The following DPYSL3 variants were observed in gnomAD, a reference collection of about 807,000 sequenced individuals.
The protein encoded by DPYSL3 is dihydropyrimidinase like 3, also known as dihydropyrimidinase-related protein 3.
DPYSL3 carries 16 observed loss-of-function variants against 66.1 expected under a neutral mutation model. That is an observed-to-expected ratio of 0.24 (90% confidence interval 0.16 to 0.37). The LOEUF is 0.37. Among genes scored for constraint, DPYSL3 ranks in the 10% least tolerant of loss-of-function variants. DPYSL3 has a pLI of 1.00. For missense variants in DPYSL3, 738 were observed against 916.2 expected (o/e 0.81, Z 2.51); for synonymous variants, 338 against 345.1 (o/e 0.98, Z 0.23).
chr5:147,412,553 A>G, intron 6 of DPYSL3, 55 bp downstream of exon 6: 1 of 1,534,524 alleles, frequency 6.5e-7, no homozygotes, highest in Non-Finnish European at 8.9e-7. Flanking sequence ...GAAGAAATGA[A>G]GAAGAAAATG....
At chr5:147,463,636 C>T (rs781464025) in intron 1 of DPYSL3, among the ~76,000 whole-genome samples, 10 of 152,108 alleles carry the variant, frequency 6.6e-5, no homozygotes, top group Non-Finnish European at 1.3e-4. Flanking sequence ...GCTCTGCCAT[C>T]AGCAGCCCCA....
intron 1 of DPYSL3, among the ~76,000 whole-genome samples, chr5:147,448,237 C>G (rs1177207841): frequency 1.3e-5 from 2 of 152,014 alleles, no homozygotes; most frequent in Non-Finnish European, 2.9e-5. Flanking sequence ...AGAAGGTGAT[C>G]AGGACTAAAA....
rs953240184 is a variant in DPYSL3, at chr5:147,393,396, G to A, written c.*639C>T. ...GTTGGGTCTTGGCATTTTAATAAAC[G>A]TTCAAAGAAACAAAATTTACTTGTA... On this transcript the variant is annotated 3_prime_UTR_variant, in exon 14 of 14. Coordinates refer to ENST00000343218, the MANE Select transcript of DPYSL3 (RefSeq NM_001197294.2). The A allele has an allele frequency of 5.9e-5, 9 of 152,190 alleles. No individual in the cohort carries two copies. Among genetic ancestry groups the A allele is most frequent in the African/African-American group, 1.7e-4 (7 of 41,418 alleles). 9.4% of individuals were successfully genotyped at this position (152,190 alleles called of 1,614,324 possible).
At chr5:147,459,978 T>C (rs1425159994) in intron 1 of DPYSL3, among the ~76,000 whole-genome samples, 1 of 151,880 alleles carries the variant, frequency 6.6e-6, no homozygotes, top group Non-Finnish European at 1.5e-5. Flanking sequence ...GGTGTGGTGG[T>C]GGGCGCCTGT....
chr5:147,396,863 GTGTA>G (rs1322157336), intron 12 of DPYSL3, among the ~76,000 whole-genome samples: 1 of 111,932 alleles, frequency 8.9e-6, no homozygotes, highest in Non-Finnish European at 1.8e-5. Context: ...CTGTATATGT[GTGTA>G]TATATATATA....
rs138115301 is a variant in DPYSL3, at chr5:147,408,588, C to T, written c.1032+140G>A. The T allele has an allele frequency of 1.0e-4, 82 of 796,396 alleles. No homozygotes were observed. In the African/African-American group the frequency reaches 1.1e-3, roughly 10 times the overall value. The allele number at this position is 796,396 out of a possible 1,614,324, so 49.3% of individuals were successfully genotyped here. On this transcript the variant is annotated intron_variant, in intron 7 of 13. Coordinates refer to ENST00000343218, the MANE Select transcript of DPYSL3 (RefSeq NM_001197294.2). Reference sequence around the variant, plus strand: ...CTTACATTCCTTTCTAATTTTCTCACGGGCTCCTGAGTTAGAGTCAATCAG... The same window carrying T: ...CTTACATTCCTTTCTAATTTTCTCATGGGCTCCTGAGTTAGAGTCAATCAG...
chr5:147,451,783 G>T (rs137996404), intron 1 of DPYSL3, among the ~76,000 whole-genome samples: 142 of 152,342 alleles, frequency 9.3e-4, no homozygotes, highest in Non-Finnish European at 1.4e-3. Context: ...GGGGAGATAA[G>T]TAAAAATTGA....
At chr5:147,426,365 G>A (rs1314956677) in intron 1 of DPYSL3, among the ~76,000 whole-genome samples, 2 of 152,082 alleles carry the variant, frequency 1.3e-5, no homozygotes, top group African/African-American at 4.8e-5. Context: ...GAAGAAAGTG[G>A]CATTAAATCA....
intron 1 of DPYSL3, among the ~76,000 whole-genome samples, chr5:147,452,995 A>G (rs1752767216): frequency 6.6e-6 from 1 of 151,948 alleles, no homozygotes; most frequent in Non-Finnish European, 1.5e-5. Flanking sequence ...TTGAAACATG[A>G]GTCGGACTGA....
chr5:147,431,524 A>T (rs1752316859), intron 1 of DPYSL3, among the ~76,000 whole-genome samples: 1 of 152,218 alleles, frequency 6.6e-6, no homozygotes, highest in Middle Eastern at 3.4e-3. Flanking sequence ...GCACACTATA[A>T]ATGCTCAATA....
At position 147,408,725 on chromosome 5, in the gene DPYSL3, T is replaced by C. The variant is rs760697995; in HGVS notation, c.1032+3A>G. ...GTGTGCACCTTCATCCCCTGTAACT[T>C]ACCTCTTCTGGCCTGCTCAGTACAT... On this transcript the variant is annotated splice_donor_region_variant and intron_variant, in intron 7 of 13. Coordinates refer to ENST00000343218, the MANE Select transcript of DPYSL3 (RefSeq NM_001197294.2). The C allele has an allele frequency of 3.3e-5, 53 of 1,613,956 alleles. No individual in the cohort carries two copies. The highest frequency in any genetic ancestry group is 3.5e-5 in the Non-Finnish European group (41 of 1,179,910).
chr5:147,402,436 C>T (rs1288835067), intron 8 of DPYSL3, among the ~76,000 whole-genome samples: 3 of 136,468 alleles, frequency 2.2e-5, no homozygotes, highest in African/African-American at 1.1e-4. Flanking sequence ...CAAGCTCCGC[C>T]TCCCGGGTTC....
At chr5:147,480,316 T>C (rs928553997) in intron 1 of DPYSL3, among the ~76,000 whole-genome samples, 1 of 152,198 alleles carries the variant, frequency 6.6e-6, no homozygotes, top group South Asian at 2.1e-4. Flanking sequence ...ATCTGGGCAA[T>C]GAACCTGTAG....
At chr5:147,468,337 T>G (rs1467029842) in intron 1 of DPYSL3, among the ~76,000 whole-genome samples, 1 of 152,208 alleles carries the variant, frequency 6.6e-6, no homozygotes, top group Non-Finnish European at 1.5e-5. Flanking sequence ...AAACCACTAT[T>G]ACAAATGATT....
chr5:147,497,037 T>C (rs986907696), intron 1 of DPYSL3, among the ~76,000 whole-genome samples: 8 of 152,156 alleles, frequency 5.3e-5, no homozygotes, highest in Admixed American at 1.3e-4. Flanking sequence ...TAAGAAAATG[T>C]GGCACATATA....
intron 1 of DPYSL3, among the ~76,000 whole-genome samples, chr5:147,450,402 G>C (rs891931153): frequency 6.6e-6 from 1 of 152,170 alleles, no homozygotes; most frequent in South Asian, 2.1e-4. Flanking sequence ...CAGGCCCATC[G>C]CGAGACAGTG....
rs1020633140 is a variant in DPYSL3, at chr5:147,392,125, C to G, written c.*1910G>C. 2.0e-5 allele frequency: 3 copies of G among 152,180 alleles called. No individual in the cohort carries two copies. The highest frequency in any genetic ancestry group is 7.2e-5 in the African/African-American group (3 of 41,428). 9.4% of individuals were successfully genotyped at this position (152,180 alleles called of 1,614,324 possible). ...ATATGCTTCAGATCTGGCAAACTCTCTCTGCACATAAAACTGTTATTCTTA... is the reference window on the plus strand; with the variant it reads ...ATATGCTTCAGATCTGGCAAACTCTGTCTGCACATAAAACTGTTATTCTTA... On this transcript the variant is annotated 3_prime_UTR_variant, in exon 14 of 14. Transcript: ENST00000343218.
intron 1 of DPYSL3, among the ~76,000 whole-genome samples, chr5:147,439,555 T>C (rs555732825): frequency 6.6e-6 from 1 of 152,118 alleles, no homozygotes; most frequent in South Asian, 2.1e-4. Context: ...TGAGGTGTAA[T>C]AGGAGATATT....
chr5:147,405,835 A>G (rs1384736600), intron 7 of DPYSL3, 105 bp from the exon 8 acceptor site: 2 of 1,455,996 alleles, frequency 1.4e-6, no homozygotes, highest in African/African-American at 2.8e-5. Context: ...AAGGTTATGG[A>G]TAATTTTGGC....
Sources: allele counts gnomAD v4.1 joint callset (sites outside exome capture counted in the v4.1 genomes callset), GRCh38; gene constraint gnomAD v4.1.1; transcripts MANE v1.5; gene names NCBI Gene and HGNC (gene_info 2026-07-23, HGNC 2026-07-21).